The following PCSK7 variants were observed in gnomAD, a reference collection of about 807,000 sequenced individuals.
PCSK7 encodes proprotein convertase subtilisin/kexin type 7, also known as lymphoma proprotein convertase.
A neutral mutation model predicts 73.3 loss-of-function variants in PCSK7; 38 were observed. The ratio of observed to expected loss-of-function variants is 0.52; its 90% confidence interval spans 0.40 to 0.68. The LOEUF (loss-of-function observed/expected upper bound fraction) is 0.68. Among genes scored for constraint, PCSK7 ranks in the 30% least tolerant of loss-of-function variants. PCSK7 has a pLI of 0.00. For missense variants in PCSK7, 692 were observed against 991.5 expected, an observed-to-expected ratio of 0.70 and a Z score of 4.06; for synonymous variants, 296 against 383.8, an observed-to-expected ratio of 0.77 and a Z score of 2.68.
intron 9 of PCSK7, chr11:117,220,809 C>G (rs531551101): frequency 6.6e-6 from 1 of 152,424 alleles, no homozygotes; most frequent in East Asian, 1.9e-4. Flanking sequence ...TGCCCACCCC[C>G]GAGCCCTGCA....
chr11:117,219,643 G>C lies in PCSK7; in HGVS notation c.1271C>G (p.Pro424Arg), dbSNP rs773699623. ...GMIALMLQVR[P>R]CLTWRDVQHI... is the part of the protein sequence containing the mutation. Reference sequence around the variant, plus strand: ...CTGGACGTCACGCCACGTGAGGCAGGGCCGCACCTGCAGCATTAAGGCTAT... The same window carrying C: ...CTGGACGTCACGCCACGTGAGGCAGCGCCGCACCTGCAGCATTAAGGCTAT... Residue 424 changes from proline (P) to arginine (R), a missense_variant, in exon 10 of 17, where the codon CCC becomes CGC. Physicochemically the swap from Pro to Arg is moderately radical, Grantham distance 103. This residue lies in a region of PCSK7 where 574 missense variants were observed against 689.8 expected (regional missense o/e 0.83). Coordinates refer to ENST00000320934, the MANE Select transcript of PCSK7 (RefSeq NM_004716.4). The C allele has an allele frequency of 2.2e-5, 36 of 1,612,516 alleles. No individual in the cohort carries two copies. Among genetic ancestry groups the C allele is most frequent in the Non-Finnish European group, 3.1e-5 (36 of 1,179,464 alleles).
intron 10 of PCSK7, 184 bp from the exon 11 acceptor site, chr11:117,219,348 C>T: frequency 1.6e-6 from 1 of 633,774 alleles, no homozygotes; most frequent in Non-Finnish European, 2.7e-6. Context: ...CACCACCCCA[C>T]TGGCTTGCTT....
intron 9 of PCSK7, chr11:117,222,421 C>T (rs2032238727): frequency 6.6e-6 from 1 of 152,232 alleles, no homozygotes; most frequent in African/African-American, 2.4e-5. Context: ...ACTCCTCTTC[C>T]CACTCATCCC....
intron 4 of PCSK7, among the ~76,000 whole-genome samples, chr11:117,227,591 C>T (rs536390978): frequency 3.3e-5 from 5 of 152,280 alleles, no homozygotes; most frequent in South Asian, 2.1e-4. Context: ...TATAGGTGAG[C>T]GCCACCACAC....
Position 117,229,730 on chromosome 11 carries a change from C to G in PCSK7, c.115G>C (p.Ala39Pro). 1 of 1,613,976 alleles carries G rather than the reference C, an allele frequency of 6.2e-7. No individual in the cohort carries two copies. Among genetic ancestry groups the G allele is most frequent in the Non-Finnish European group, 8.5e-7 (1 of 1,179,896 alleles). ...FLLVPWVMGL[A>P]GTGGPDGQGT... Reference sequence around the variant, plus strand: ...TGGCCATCAGGCCCACCTGTCCCTGCCAGGCCCATGACCCAGGGAACCAGT... The same window carrying G: ...TGGCCATCAGGCCCACCTGTCCCTGGCAGGCCCATGACCCAGGGAACCAGT... The change falls in exon 3 of 17, where the codon GCA becomes CCA. Residue 39 changes from alanine to proline, a missense_variant. By Grantham distance (27) the Ala-to-Pro change is conservative. Coordinates refer to ENST00000320934, the MANE Select transcript of PCSK7 (RefSeq NM_004716.4).
rs1299895533 is a variant in PCSK7, at chr11:117,206,308, T to C, written c.2047A>G (p.Met683Val). ...CTCTGGCTCAAATATACTTCCAGCA[T>C]GTAGTAAACAGTCCAGAAGACGGTG... is the stretch of plus-strand genomic sequence containing the variant. The part of the protein sequence containing the change: ...CFTVFWTVYY[M>V]LEVYLSQRNV... The change falls in exon 17 of 17, where the codon ATG becomes GTG. Residue 683 changes from methionine (M) to valine (V), a missense_variant. Transcript: ENST00000320934. The C allele has an allele frequency of 1.2e-6, 2 of 1,613,994 alleles. No individual in the cohort carries two copies. The highest frequency in any genetic ancestry group is 1.7e-5 in the Admixed American group (1 of 59,990).
intron 2 of PCSK7, 198 bp downstream of exon 2, chr11:117,230,151 T>G: frequency 2.9e-6 from 1 of 343,020 alleles, no homozygotes; most frequent in Non-Finnish European, 5.4e-6. Context: ...TCACAGGCAC[T>G]GCGAGCAACC....
intron 9 of PCSK7, chr11:117,220,979 A>C (rs1326194698): frequency 6.6e-6 from 1 of 152,424 alleles, no homozygotes; most frequent in Non-Finnish European, 1.5e-5. Flanking sequence ...ACTGCCTGGC[A>C]TCGAGCTCTT....
chr11:117,218,830 C>T lies in PCSK7; in HGVS notation c.1431+227G>A, dbSNP rs117336378. ...GAGCATCCTGAGTCCCACACATACT[C>T]AGGTCCCATTTACTCTATTAGTAGT... is the stretch of plus-strand genomic sequence containing the variant. On this transcript the variant is annotated intron_variant, in intron 11 of 16. Transcript: ENST00000320934. This position sits in a 1 kb window ranked among gnomAD's most constrained non-coding sequence, Gnocchi z 4.0. The T allele has an allele frequency of 1.8e-3, 1,020 of 577,824 alleles. 2 individuals carry two copies. The highest frequency in any genetic ancestry group is 2.5e-3 in the Non-Finnish European group (824 of 323,740). 35.8% of individuals were successfully genotyped at this position (577,824 alleles called of 1,614,324 possible).
At chr11:117,206,998 G>A (rs1372236969) in intron 15 of PCSK7, 69 bp downstream of exon 15, 1 of 1,529,776 alleles carries the variant, frequency 6.5e-7, no homozygotes, top group East Asian at 2.3e-5. Context: ...GGTTCAGAGG[G>A]CGATGGGCTC....
chr11:117,222,883 G>C (rs752544859), intron 9 of PCSK7: 3 of 249,202 alleles, frequency 1.2e-5, no homozygotes, highest in Non-Finnish European at 2.4e-5. Flanking sequence ...CTGACCTCAA[G>C]TGATCCATCC....
Position 117,229,455 on chromosome 11 carries a change from G to C in PCSK7, c.390C>G (p.His130Gln), listed in dbSNP as rs1249892400. Residue 130 changes from histidine to glutamine, a missense_variant, in exon 3 of 17, where the codon CAC becomes CAG. Physicochemically the swap from His to Gln is conservative, Grantham distance 24. This residue lies in a region of PCSK7 where 574 missense variants were observed against 689.8 expected (regional missense o/e 0.83). Transcript: ENST00000320934. The stretch of plus-strand genomic sequence containing the variant: ...CCCGCCTTAGCAGCCTCTGCTCTGA[G>C]TGCCAGCGCACAGCTTCATGCCCAG... ...VLAGHEAVRWHSEQRLLRRAK... is the reference protein window; with the variant it reads ...VLAGHEAVRWQSEQRLLRRAK... The C allele has an allele frequency of 6.2e-7, 1 of 1,611,168 alleles. No homozygotes were observed. The highest frequency in any genetic ancestry group is 8.5e-7 in the Non-Finnish European group (1 of 1,180,014).
At chr11:117,225,032 C>A in intron 6 of PCSK7, 7 of 305,500 alleles carry the variant, frequency 2.3e-5, no homozygotes, top group East Asian at 5.6e-5. Flanking sequence ...ATCTCCTGAT[C>A]TAGGGATCAG....
intron 1 of PCSK7, among the ~76,000 whole-genome samples, 187 bp from the exon 2 acceptor site, chr11:117,230,655 C>A (rs2134337766): frequency 6.6e-6 from 1 of 152,284 alleles, no homozygotes; most frequent in East Asian, 1.9e-4. Context: ...ACCCAAAAAA[C>A]CCACTTCCTG....
At chr11:117,225,470 T>C (rs1277257351) in intron 6 of PCSK7, 1 of 177,572 alleles carries the variant, frequency 5.6e-6, no homozygotes, top group African/African-American at 2.4e-5. Context: ...ACCCTGTGGA[T>C]GATGTCATGG....
chr11:117,209,383 A>G (rs1195809209), intron 12 of PCSK7: 1 of 237,270 alleles, frequency 4.2e-6, no homozygotes, highest in East Asian at 1.0e-4. Flanking sequence ...GAATATAAAG[A>G]TAAGATGGGC....
Position 117,205,008 on chromosome 11 carries a change from G to C in PCSK7, c.*989C>G, listed in dbSNP as rs2031286930. Reference sequence around the variant, plus strand: ...TCTTGGGGACCGAAGGGAAAAAGGAGCCACTCAGCAGCATGCAGTGGCTTT... The same window carrying C: ...TCTTGGGGACCGAAGGGAAAAAGGACCCACTCAGCAGCATGCAGTGGCTTT... On this transcript the variant is annotated 3_prime_UTR_variant, in exon 17 of 17. Coordinates refer to ENST00000320934, the MANE Select transcript of PCSK7 (RefSeq NM_004716.4). The C allele has an allele frequency of 5.0e-6, 1 of 200,996 alleles. No individual in the cohort carries two copies. The highest frequency in any genetic ancestry group is 1.9e-4 in the South Asian group (1 of 5,364). The allele number at this position is 200,996 out of a possible 1,614,324, so 12.5% of individuals were successfully genotyped here.
chr11:117,225,116 C>A (rs2032369083), intron 6 of PCSK7: 1 of 166,026 alleles, frequency 6.0e-6, no homozygotes, highest in Admixed American at 6.6e-5. Flanking sequence ...GGCTGAAGTG[C>A]AATGGCGCGA....
chr11:117,215,814 A>T (rs375114133), intron 12 of PCSK7: 2 of 151,294 alleles, frequency 1.3e-5, no homozygotes, highest in East Asian at 3.9e-4. Flanking sequence ...TTGGCCTCCC[A>T]AAGTGCTGGG....
Sources: allele counts gnomAD v4.1 joint callset (sites outside exome capture counted in the v4.1 genomes callset), GRCh38; gene constraint gnomAD v4.1.1; regional missense constraint gnomAD v4.1.1; non-coding constraint Gnocchi (gnomAD v3.1); transcripts MANE v1.5; gene names NCBI Gene and HGNC (gene_info 2026-07-23, HGNC 2026-07-21).